The following ADAMTS6 variants were observed in gnomAD, a reference collection of about 807,000 sequenced individuals.
ADAMTS6 encodes ADAM metallopeptidase with thrombospondin type 1 motif 6.
A neutral mutation model predicts 144.3 loss-of-function variants in ADAMTS6; 23 were observed. The observed-to-expected ratio is 0.16, with a 90% CI of 0.11 to 0.23. The LOEUF (loss-of-function observed/expected upper bound fraction) is 0.23. Among genes scored for constraint, ADAMTS6 ranks in the 10% least tolerant of loss-of-function variants. The probability of loss-of-function intolerance (pLI) is 1.00; values close to 1 mark genes in which losing one functional copy is unlikely to be tolerated. For missense variants in ADAMTS6, 999 were observed against 1,379.6 expected, an observed-to-expected ratio of 0.72 and a Z score of 4.37; for synonymous variants, 444 against 457.5, an observed-to-expected ratio of 0.97 and a Z score of 0.38.
chr5:65,218,346 T>C (rs1304720582), intron 18 of ADAMTS6, among the ~76,000 whole-genome samples: 1 of 152,154 alleles, frequency 6.6e-6, no homozygotes, highest in Non-Finnish European at 1.5e-5. Context: ...CAAGCAGATC[T>C]ACAAGTTACT....
intron 10 of ADAMTS6, among the ~76,000 whole-genome samples, chr5:65,295,944 TCGGTCATCAGCA>T (rs1742794907): frequency 6.6e-6 from 1 of 152,084 alleles, no homozygotes; most frequent in Non-Finnish European, 1.5e-5. Flanking sequence ...GAGTTACAGT[TCGGTCATCAGCA>T]AAAATTTACA....
intron 3 of ADAMTS6, among the ~76,000 whole-genome samples, chr5:65,466,935 G>T (rs182506202): frequency 1.3e-5 from 2 of 151,744 alleles, no homozygotes; most frequent in South Asian, 4.2e-4. Context: ...CCAGCTACTC[G>T]GGAGGCTGAC....
At chr5:65,374,885 C>G (rs947423801) in intron 7 of ADAMTS6, among the ~76,000 whole-genome samples, 7 of 152,186 alleles carry the variant, frequency 4.6e-5, no homozygotes, top group African/African-American at 1.7e-4. Flanking sequence ...GTAACCAACA[C>G]AGCATGGCAC....
intron 15 of ADAMTS6, among the ~76,000 whole-genome samples, chr5:65,239,393 A>G (rs1758973260): frequency 6.6e-6 from 1 of 152,218 alleles, no homozygotes; most frequent in South Asian, 2.1e-4. Flanking sequence ...GATACAAATC[A>G]TACCAAAAAT....
chr5:65,277,551 C>T lies in ADAMTS6; in HGVS notation c.1513-4104G>A, dbSNP rs75003333. ...GGATTACAGGTGTTAGCCACCATAC[C>T]AAGACTGGACAGTTTTTTTTTTTTC... On this transcript the variant is annotated intron_variant, in intron 11 of 24. Coordinates refer to ENST00000381055, the MANE Select transcript of ADAMTS6 (RefSeq NM_197941.4). Among the ~76,000 whole-genome samples, 56 of 151,434 alleles carry T rather than the reference C, an allele frequency of 3.7e-4. No homozygotes were observed. The East Asian group carries it at 9.5e-3, about 26-fold the overall frequency.
chr5:65,380,096 A>C (rs1207937789), intron 7 of ADAMTS6, among the ~76,000 whole-genome samples: 1 of 152,118 alleles, frequency 6.6e-6, no homozygotes, highest in Non-Finnish European at 1.5e-5. Flanking sequence ...ACACCAAGAA[A>C]ATATAAAAAT....
intron 7 of ADAMTS6, among the ~76,000 whole-genome samples, chr5:65,433,694 T>A (rs1290859394): frequency 6.6e-6 from 1 of 152,128 alleles, no homozygotes; most frequent in Non-Finnish European, 1.5e-5. Flanking sequence ...AAAACCACAG[T>A]TAGGTATCAC....
At chr5:65,387,517 A>T (rs1445817708) in intron 7 of ADAMTS6, among the ~76,000 whole-genome samples, 1 of 152,210 alleles carries the variant, frequency 6.6e-6, no homozygotes, top group African/African-American at 2.4e-5. Context: ...CTTCAGATTC[A>T]TGGTTGGGTC....
rs748143650 is a variant in ADAMTS6 at position 65,381,529 on chromosome 5, A to AT, written c.1074-47445dup. On this transcript the variant is annotated intron_variant, in intron 7 of 24. Transcript: ENST00000381055. Reference sequence around the variant, plus strand: ...AGGCATGGATCACCGTGCCTGGCTAATTTTTTTTTTTTTTTTTTTTTTTTT... The same window carrying AT: ...AGGCATGGATCACCGTGCCTGGCTAATTTTTTTTTTTTTTTTTTTTTTTTTT... Among the ~76,000 whole-genome samples the AT allele has an allele frequency of 7.3e-3, 751 of 103,078 alleles. 13 individuals are homozygous for AT. The highest frequency in any genetic ancestry group is 0.015 in the African/African-American group (394 of 27,084). 67.6% of individuals were successfully genotyped at this position (103,078 alleles called of 152,430 possible).
At chr5:65,319,939 G>T (rs1745432724) in intron 9 of ADAMTS6, among the ~76,000 whole-genome samples, 1 of 152,132 alleles carries the variant, frequency 6.6e-6, no homozygotes, top group Non-Finnish European at 1.5e-5. Flanking sequence ...TGCCTCCTGG[G>T]TTCAAGTGAT....
chr5:65,230,984 T>G (rs1758196044), intron 15 of ADAMTS6, among the ~76,000 whole-genome samples: 1 of 148,960 alleles, frequency 6.7e-6, no homozygotes, highest in Admixed American at 6.7e-5. Flanking sequence ...ACAAAAAAAG[T>G]CTACAAAACT....
At chr5:65,323,574 A>G (rs1580394439) in intron 9 of ADAMTS6, among the ~76,000 whole-genome samples, 2 of 152,018 alleles carry the variant, frequency 1.3e-5, no homozygotes, top group African/African-American at 4.8e-5. Context: ...GCCGCTATAA[A>G]CATACGTGTG....
intron 7 of ADAMTS6, among the ~76,000 whole-genome samples, chr5:65,435,479 T>A (rs1296975245): frequency 3.3e-5 from 5 of 152,180 alleles, no homozygotes; most frequent in Non-Finnish European, 7.3e-5. Context: ...CTTAAGTTAC[T>A]TAATAATACT....
chr5:65,455,360 G>T (rs770851635), intron 4 of ADAMTS6, among the ~76,000 whole-genome samples: 11 of 152,110 alleles, frequency 7.2e-5, no homozygotes, highest in Non-Finnish European at 1.2e-4. Context: ...TGGTCAACAT[G>T]GTGAAACCTT....
At chr5:65,336,651 C>T (rs187954247) in intron 7 of ADAMTS6, among the ~76,000 whole-genome samples, 56 of 152,130 alleles carry the variant, frequency 3.7e-4, no homozygotes, top group Admixed American at 3.3e-3. Flanking sequence ...ATTGTCAGAG[C>T]ACCTAAATAA....
intron 21 of ADAMTS6, among the ~76,000 whole-genome samples, chr5:65,190,521 A>G (rs544467222): frequency 4.4e-4 from 67 of 152,224 alleles, no homozygotes; most frequent in Non-Finnish European, 7.2e-4. Context: ...CAGTCACACA[A>G]CCTCCAGCCA....
At chr5:65,441,640 AC>A (rs1757861973) in intron 7 of ADAMTS6, among the ~76,000 whole-genome samples, 1 of 152,118 alleles carries the variant, frequency 6.6e-6, no homozygotes, top group African/African-American at 2.4e-5. Context: ...AAGCGCACCC[AC>A]CTGGAACATT....
intron 7 of ADAMTS6, among the ~76,000 whole-genome samples, chr5:65,372,631 G>C (rs912408149): frequency 6.6e-6 from 1 of 151,782 alleles, no homozygotes; most frequent in African/African-American, 2.4e-5. Flanking sequence ...CCTACAAAGA[G>C]ACTTAGACTC....
At chr5:65,298,081 C>T (rs553146697) in intron 10 of ADAMTS6, among the ~76,000 whole-genome samples, 2 of 152,198 alleles carry the variant, frequency 1.3e-5, no homozygotes, top group South Asian at 4.1e-4. Flanking sequence ...ATGTCCCTCA[C>T]CAAACCAGTG....
Sources: allele counts gnomAD v4.1 joint callset (sites outside exome capture counted in the v4.1 genomes callset), GRCh38; gene constraint gnomAD v4.1.1; transcripts MANE v1.5; gene names NCBI Gene and HGNC (gene_info 2026-07-23, HGNC 2026-07-21).